Variants in AVPI1 observed in about 807,000 individuals in gnomAD.
AVPI1 encodes the protein arginine vasopressin-induced protein 1.
Under a neutral mutation model 11.9 loss-of-function variants are expected in AVPI1, and 9 were observed. That is an observed-to-expected ratio of 0.76 (90% CI 0.46 to 1.32). The LOEUF (loss-of-function observed/expected upper bound fraction) is 1.32, where lower values mean the gene tolerates loss of function less well. Ranked by LOEUF, AVPI1 falls within the 40% of genes most tolerant of loss-of-function variation. The probability of loss-of-function intolerance (pLI) is 0.00; values close to 1 mark genes in which losing one functional copy is unlikely to be tolerated. For missense variants in AVPI1, 207 were observed against 195.8 expected (o/e 1.06, Z -0.34); for synonymous variants, 68 against 78.1 (o/e 0.87, Z 0.68).
rs1211124473 is a variant in AVPI1, at chr10:97,677,534, T to C, written c.*335A>G. 7.9e-6 allele frequency: 2 copies of C among 254,062 alleles called. No individual in the cohort carries two copies. The highest frequency in any genetic ancestry group is 1.5e-5 in the Non-Finnish European group (2 of 130,622). The allele number at this position is 254,062 out of a possible 1,614,324, so 15.7% of individuals were successfully genotyped here. The stretch of plus-strand genomic sequence containing the variant: ...AACCATGGTTTACAGTAGTAGCAGG[T>C]AGATGATTAGTAGCATGAGTGGTGA... On this transcript the variant is annotated 3_prime_UTR_variant, in exon 3 of 3. Coordinates refer to ENST00000370626, the MANE Select transcript of AVPI1 (RefSeq NM_021732.3).
At chr10:97,682,809 T>C (rs552207083) in intron 1 of AVPI1, among the ~76,000 whole-genome samples, 23 of 152,290 alleles carry the variant, frequency 1.5e-4, no homozygotes, top group African/African-American at 5.5e-4. Context: ...ATTTGGAAAA[T>C]GGAAATTTAA....
At chr10:97,683,435 A>T (rs2041714389) in intron 1 of AVPI1, among the ~76,000 whole-genome samples, 1 of 152,256 alleles carries the variant, frequency 6.6e-6, no homozygotes, top group South Asian at 2.1e-4. Flanking sequence ...TTGTGATTAC[A>T]GGTGTGAGCC....
At chr10:97,678,186 C>A (rs1434621402) in intron 2 of AVPI1, among the ~76,000 whole-genome samples, 161 bp from the exon 3 acceptor site, 1 of 152,162 alleles carries the variant, frequency 6.6e-6, no homozygotes. Context: ...TCTGACTAGA[C>A]AAAGTTTACA....
rs775549165 is a variant in AVPI1 at position 97,678,018 on chromosome 10, C to G, written c.295G>C (p.Glu99Gln). Reference sequence around the variant, plus strand: ...GGGTTGGCCAGTGCAGAGTGGGGCTCCAGGATTCTGCAGAGAACAAGTGTA... The same window carrying G: ...GGGTTGGCCAGTGCAGAGTGGGGCTGCAGGATTCTGCAGAGAACAAGTGTA... The part of the protein sequence containing the change: ...LHHCSRLRIL[E>Q]PHSALANPQS... Residue 99 changes from glutamate (E) to glutamine (Q), a missense_variant, in exon 3 of 3, where the codon GAG (glutamate) becomes CAG (glutamine). By Grantham distance (29) the Glu-to-Gln change is conservative (BLOSUM62 2). Coordinates refer to ENST00000370626, the MANE Select transcript of AVPI1 (RefSeq NM_021732.3). 2.8e-5 allele frequency: 45 copies of G among 1,613,644 alleles called. No individual in the cohort carries two copies. In the South Asian group the frequency reaches 4.8e-4, roughly 17 times the overall value.
At position 97,678,084 on chromosome 10, in the gene AVPI1, C is replaced by A; in HGVS notation, c.288-59G>T. On this transcript the variant is annotated intron_variant, in intron 2 of 2. Transcript: ENST00000370626. ...AATAGGAAGAATGGAATGGGGACTT[C>A]AAGAGATTTCGTCATGGTGGACCAT... is the stretch of plus-strand genomic sequence containing the variant. 2.6e-6 allele frequency: 4 copies of A among 1,549,836 alleles called. No homozygotes were observed. The South Asian group carries it at 4.6e-5, about 18-fold the overall frequency.
Position 97,679,728 on chromosome 10 carries a change from C to T in AVPI1, c.178G>A (p.Glu60Lys). Residue 60 changes from glutamate (E) to lysine (K), a missense_variant, in exon 2 of 3, where the codon GAA (glutamate) becomes AAA (lysine). Physicochemically the swap from Glu to Lys is moderately conservative, Grantham distance 56 (BLOSUM62 1). Coordinates refer to ENST00000370626, the MANE Select transcript of AVPI1 (RefSeq NM_021732.3). The stretch of plus-strand genomic sequence containing the variant: ...GCCACACGGTGGTCCCCTGCACATT[C>T]CCAGATGATCTGTGCCCGTTCCTCG... ...LAEERAQIIW[E>K]CAGDHRVAEA... is the part of the protein sequence containing the mutation. 10 of 1,614,084 alleles carry T rather than the reference C, an allele frequency of 6.2e-6. No homozygotes were observed. The highest frequency in any genetic ancestry group is 8.5e-6 in the Non-Finnish European group (10 of 1,180,014).
chr10:97,685,475 A>C (rs1212894087), intron 1 of AVPI1, among the ~76,000 whole-genome samples: 1 of 152,210 alleles, frequency 6.6e-6, no homozygotes, highest in East Asian at 1.9e-4. Flanking sequence ...GAGGCAGAAC[A>C]CATTTGGGTG....
chr10:97,683,698 C>T lies in AVPI1; in HGVS notation c.-11+3068G>A, dbSNP rs567827542. Among the ~76,000 whole-genome samples the T allele has an allele frequency of 1.3e-4, 20 of 152,246 alleles. No homozygotes were observed. The East Asian group carries it at 1.7e-3, about 13-fold the overall frequency. ...CCTGGGTGACAGCCCAGCCTTGAGC[C>T]GTAGCACTCTAAAGAGGAAGAGCCC... On this transcript the variant is annotated intron_variant, in intron 1 of 2. Transcript: ENST00000370626.
At chr10:97,684,860 G>A (rs2041721377) in intron 1 of AVPI1, among the ~76,000 whole-genome samples, 1 of 152,162 alleles carries the variant, frequency 6.6e-6, no homozygotes, top group Non-Finnish European at 1.5e-5. Flanking sequence ...GTGAGGCTGG[G>A]AATAAAACTA....
chr10:97,681,310 G>A (rs960017209), intron 1 of AVPI1, among the ~76,000 whole-genome samples: 6 of 152,234 alleles, frequency 3.9e-5, no homozygotes, highest in South Asian at 2.1e-4. Context: ...ATGGCTGGGC[G>A]TGGTGGCTCA....
chr10:97,681,660 G>C (rs1337122068), intron 1 of AVPI1, among the ~76,000 whole-genome samples: 1 of 151,314 alleles, frequency 6.6e-6, no homozygotes, highest in South Asian at 2.1e-4. Context: ...GGTGGATCAT[G>C]AGGTCAGGAG....
At position 97,679,789 on chromosome 10, in the gene AVPI1, G is replaced by T. The variant is rs2041693760; in HGVS notation, c.117C>A (p.Ile39=). 1.2e-6 allele frequency: 2 copies of T among 1,613,786 alleles called. No homozygotes were observed. The highest frequency in any genetic ancestry group is 2.2e-5 in the South Asian group (2 of 91,056). Residue 39 remains isoleucine, a synonymous_variant, in exon 2 of 3, where the codon ATC becomes ATA. Coordinates refer to ENST00000370626, the MANE Select transcript of AVPI1 (RefSeq NM_021732.3). ...NIFQDAELLQ[I]QALFQRSGDQ... is the part of the protein sequence containing the mutation. ...CCCCGCTGCGTTGAAACAGGGCTTGGATCTGCAGCAGCTCGGCGTCCTGGA... is the reference window on the plus strand; with the variant it reads ...CCCCGCTGCGTTGAAACAGGGCTTGTATCTGCAGCAGCTCGGCGTCCTGGA...
At chr10:97,678,972 T>TCGCC (rs2041686469) in intron 2 of AVPI1, among the ~76,000 whole-genome samples, 1 of 98,116 alleles carries the variant, frequency 1.0e-5, no homozygotes, top group Admixed American at 1.1e-4. Flanking sequence ...TGTGTGTGTG[T>TCGCC]GTGTGTGTGT....
intron 1 of AVPI1, among the ~76,000 whole-genome samples, chr10:97,685,734 C>A (rs1194090829): frequency 6.6e-6 from 1 of 152,202 alleles, no homozygotes; most frequent in African/African-American, 2.4e-5. Flanking sequence ...GCTTCCCCAC[C>A]AGCAGGGCCT....
Position 97,683,251 on chromosome 10 carries a change from G to C in AVPI1, c.-10-3336C>G, listed in dbSNP as rs560095540. ...CAGCTCACTGCAACCTCTACCTCCTGAGTTCAAGTGATTCTCCTGCCTCAG... is the reference window on the plus strand; with the variant it reads ...CAGCTCACTGCAACCTCTACCTCCTCAGTTCAAGTGATTCTCCTGCCTCAG... On this transcript the variant is annotated intron_variant, in intron 1 of 2. Transcript: ENST00000370626. 1.5e-4 allele frequency among the ~76,000 whole-genome samples: 23 copies of C among 152,170 alleles called. No individual in the cohort carries two copies. The South Asian group carries it at 1.9e-3, about 12-fold the overall frequency.
At chr10:97,681,674 G>C (rs1334440621) in intron 1 of AVPI1, among the ~76,000 whole-genome samples, 1 of 150,064 alleles carries the variant, frequency 6.7e-6, no homozygotes, top group African/African-American at 2.4e-5. Flanking sequence ...TCAGGAGATA[G>C]AGACCATCCT....
intron 1 of AVPI1, among the ~76,000 whole-genome samples, chr10:97,681,214 G>A (rs1399050484): frequency 6.6e-6 from 1 of 152,180 alleles, no homozygotes; most frequent in Non-Finnish European, 1.5e-5. Flanking sequence ...AATGAGCCCA[G>A]TATATCAGTT....
At chr10:97,678,926 T>TTTTCAGAGACAGGATCTCGCC (rs2041684029) in intron 2 of AVPI1, among the ~76,000 whole-genome samples, 1 of 18,730 alleles carries the variant, frequency 5.3e-5, no homozygotes, top group East Asian at 1.3e-3. Context: ...TGTGTGTGTG[T>TTTTCAGAGACAGGATCTCGCC]GTGTGTGTGT....
At chr10:97,679,018 CGCCATGTT>C (rs2041687142) in intron 2 of AVPI1, among the ~76,000 whole-genome samples, 1 of 146,136 alleles carries the variant, frequency 6.8e-6, no homozygotes, top group Non-Finnish European at 1.5e-5. Context: ...GACAGGATCT[CGCCATGTT>C]GCCCAGGCTG....
Sources: allele counts gnomAD v4.1 joint callset (sites outside exome capture counted in the v4.1 genomes callset), GRCh38; gene constraint gnomAD v4.1.1; transcripts MANE v1.5; gene names NCBI Gene and HGNC (gene_info 2026-07-23, HGNC 2026-07-21).